PCDHA10: variants seen among roughly 807,000 people sequenced by gnomAD.
The protein encoded by PCDHA10 is protocadherin alpha 10, also known as protocadherin alpha-10.
A neutral mutation model predicts 61.2 loss-of-function variants in PCDHA10; 45 were observed. The observed-to-expected ratio is 0.74, with a 90% confidence interval of 0.58 to 0.94. The LOEUF (loss-of-function observed/expected upper bound fraction) is 0.94, where lower values mean the gene tolerates loss of function less well. Among genes scored for constraint, PCDHA10 ranks in the 40% least tolerant of loss-of-function variants. The pLI, the probability that PCDHA10 is intolerant of heterozygous loss-of-function variation, is 0.00. For missense variants in PCDHA10, 1,278 were observed against 1,236.2 expected, an observed-to-expected ratio of 1.03 and a Z score of -0.51; for synonymous variants, 602 against 548.8, an observed-to-expected ratio of 1.10 and a Z score of -1.35.
chr5:140,870,582 G>T (rs1554164436), intron 1 of PCDHA10: 2 of 1,613,846 alleles, frequency 1.2e-6, no homozygotes, highest in Non-Finnish European at 1.7e-6. Flanking sequence ...CCTACTCGCT[G>T]GTGGAGCGGC....
intron 1 of PCDHA10, among the ~76,000 whole-genome samples, chr5:140,957,164 T>C (rs2095337835): frequency 6.6e-6 from 1 of 152,148 alleles, no homozygotes; most frequent in Non-Finnish European, 1.5e-5. Flanking sequence ...CAAATCTAAG[T>C]ATATAAATTG....
intron 3 of PCDHA10, among the ~76,000 whole-genome samples, chr5:140,997,720 G>A (rs973128921): frequency 3.3e-5 from 5 of 151,568 alleles, no homozygotes; most frequent in East Asian, 1.9e-4. Context: ...ACCTTTCTAC[G>A]TCAGTACATA....
At chr5:140,871,612 G>T in intron 1 of PCDHA10, 1 of 1,427,256 alleles carries the variant, frequency 7.0e-7, no homozygotes, top group East Asian at 2.5e-5. Flanking sequence ...TTTGAATATT[G>T]TTTTAGATAA....
intron 1 of PCDHA10, among the ~76,000 whole-genome samples, chr5:140,943,453 G>A (rs545980639): frequency 2.6e-5 from 4 of 152,040 alleles, no homozygotes; most frequent in Non-Finnish European, 5.9e-5. Context: ...GAATTGATAA[G>A]GCTAAATGTG....
At chr5:140,867,685 T>C (rs2050105980) in intron 1 of PCDHA10, 1 of 152,116 alleles carries the variant, frequency 6.6e-6, no homozygotes, top group African/African-American at 2.4e-5. Context: ...TGTTGCATCT[T>C]CTTTTTTTCC....
intron 1 of PCDHA10, chr5:140,927,739 CG>C: frequency 1.2e-6 from 2 of 1,614,212 alleles, no homozygotes; most frequent in Non-Finnish European, 1.7e-6. Flanking sequence ...GCTGCGACAC[CG>C]CTTTCACGTG....
At position 140,859,521 on chromosome 5, in the gene PCDHA10, A is replaced by T. The variant is rs187641727; in HGVS notation, c.2388+1085A>T. 138 of 194,130 alleles carry T rather than the reference A, an allele frequency of 7.1e-4. 7 individuals are homozygous for T. The highest frequency in any genetic ancestry group is 1.9e-3 in the East Asian group (11 of 5,678). 12.0% of individuals were successfully genotyped at this position (194,130 alleles called of 1,614,324 possible). A position where few individuals can be genotyped will look rare whatever the true frequency, so the allele number is the denominator to read the frequency against. On this transcript the variant is annotated intron_variant, in intron 1 of 3. Coordinates refer to ENST00000307360, the MANE Select transcript of PCDHA10 (RefSeq NM_018901.4). ...ACCTGATACCCATGATTTCATTTTTAAAAAAAATTTATTAATTCTAGTGTT... is the reference window on the plus strand; with the variant it reads ...ACCTGATACCCATGATTTCATTTTTTAAAAAAATTTATTAATTCTAGTGTT...
At chr5:141,007,328 A>G (rs1018961755) in intron 3 of PCDHA10, among the ~76,000 whole-genome samples, 1 of 149,092 alleles carries the variant, frequency 6.7e-6, no homozygotes, top group African/African-American at 2.5e-5. Context: ...AAGTGGACAG[A>G]TTGCCTGAGC....
chr5:140,857,507 G>T lies in PCDHA10; in HGVS notation c.1459G>T (p.Ala487Ser). The T allele has an allele frequency of 1.3e-6, 2 of 1,598,302 alleles. No homozygotes were observed. Among genetic ancestry groups the T allele is most frequent in the African/African-American group, 1.3e-5 (1 of 74,568 alleles). The change falls in exon 1 of 4, where the codon GCC (alanine) becomes TCC (serine). Residue 487 changes from alanine (A) to serine (S), a missense_variant. Transcript: ENST00000307360. ...SAWDADAQENALVSYSLVERR... is the reference protein window; with the variant it reads ...SAWDADAQENSLVSYSLVERR... ...GTGGGACGCGGACGCGCAGGAGAAC[G>T]CCCTGGTGTCCTACTCTCTGGTGGA...
At chr5:140,932,549 C>T (rs1222820851) in intron 1 of PCDHA10, among the ~76,000 whole-genome samples, 1 of 151,864 alleles carries the variant, frequency 6.6e-6, no homozygotes, top group African/African-American at 2.4e-5. Context: ...ATTTAACATA[C>T]ATTCCACAAG....
Position 140,871,165 on chromosome 5 carries a change from C to A in PCDHA10, c.2388+12729C>A, listed in dbSNP as rs1044550712. 1.4e-5 allele frequency: 22 copies of A among 1,613,372 alleles called. No individual in the cohort carries two copies. Among genetic ancestry groups the A allele is most frequent in the Non-Finnish European group, 1.7e-5 (20 of 1,179,938 alleles). On this transcript the variant is annotated intron_variant, in intron 1 of 3. Transcript: ENST00000307360. ...CCGGACTTTGGCGGGCGCCGCGAGCCCAGAGGCTGCGCTGGTGGATGTCAA... is the reference window on the plus strand; with the variant it reads ...CCGGACTTTGGCGGGCGCCGCGAGCACAGAGGCTGCGCTGGTGGATGTCAA...
intron 1 of PCDHA10, among the ~76,000 whole-genome samples, chr5:140,961,765 T>C (rs2095634679): frequency 6.6e-6 from 1 of 152,244 alleles, no homozygotes; most frequent in African/African-American, 2.4e-5. Flanking sequence ...AAGGAATTTA[T>C]ATCAAGCTTA....
At chr5:141,004,213 GGTCA>G (rs3842022) in intron 3 of PCDHA10, among the ~76,000 whole-genome samples, 2 of 152,208 alleles carry the variant, frequency 1.3e-5, no homozygotes, top group East Asian at 3.8e-4. Context: ...CAGATTAGGA[GGTCA>G]GTCAGTGTTT....
intron 1 of PCDHA10, chr5:140,863,233 C>A (rs2047882202): frequency 1.6e-6 from 2 of 1,240,300 alleles, no homozygotes; most frequent in South Asian, 1.2e-5. Flanking sequence ...GGTCCCATCG[C>A]GGGCTTTGGC....
chr5:140,920,180 T>C (rs1386784105), intron 1 of PCDHA10, among the ~76,000 whole-genome samples: 1 of 152,198 alleles, frequency 6.6e-6, no homozygotes, highest in Admixed American at 6.5e-5. Context: ...ACCCAGTGTG[T>C]AGTAATTTGT....
intron 3 of PCDHA10, among the ~76,000 whole-genome samples, chr5:140,994,367 G>C (rs2097617491): frequency 6.6e-6 from 1 of 152,110 alleles, no homozygotes; most frequent in African/African-American, 2.4e-5. Context: ...AGATGGAATT[G>C]GAAATTCAGG....
At chr5:140,937,945 G>T (rs1464890227) in intron 1 of PCDHA10, among the ~76,000 whole-genome samples, 1 of 151,840 alleles carries the variant, frequency 6.6e-6, no homozygotes, top group Non-Finnish European at 1.5e-5. Context: ...TTGATAATTG[G>T]CTTTTGTTGA....
At chr5:140,894,841 T>C in intron 1 of PCDHA10, among the ~76,000 whole-genome samples, 1 of 152,184 alleles carries the variant, frequency 6.6e-6, no homozygotes, top group East Asian at 1.9e-4. Context: ...TTTCTTATGC[T>C]CATTTTTATA....
chr5:140,918,387 C>A (rs1554198606), intron 1 of PCDHA10, among the ~76,000 whole-genome samples: 1 of 152,142 alleles, frequency 6.6e-6, no homozygotes, highest in Non-Finnish European at 1.5e-5. Context: ...TTATTTCTTT[C>A]TCTTGCCTGA....
Sources: allele counts gnomAD v4.1 joint callset (sites outside exome capture counted in the v4.1 genomes callset), GRCh38; gene constraint gnomAD v4.1.1; transcripts MANE v1.5; gene names NCBI Gene and HGNC (gene_info 2026-07-23, HGNC 2026-07-21).